Variants in RBM6 observed in about 807,000 individuals in gnomAD.
RBM6 encodes the protein RNA binding motif protein 6, also known as RNA-binding protein 6.
In RBM6, 23 loss-of-function variants were observed where a neutral mutation model predicts 140.4. The observed-to-expected ratio is 0.16, with a 90% CI of 0.12 to 0.23. The LOEUF is 0.23. RBM6 is among the 10% of genes least tolerant of loss of function. The pLI, the probability that RBM6 is intolerant of heterozygous loss-of-function variation, is 1.00. For missense variants in RBM6, 1,139 were observed against 1,386.7 expected (o/e 0.82, Z 2.84); for synonymous variants, 439 against 475.6 (o/e 0.92, Z 1.00).
At chr3:49,958,090 G>A (rs2084085469) in intron 1 of RBM6, among the ~76,000 whole-genome samples, 1 of 152,038 alleles carries the variant, frequency 6.6e-6, no homozygotes, top group South Asian at 2.1e-4. Context: ...GCACCTGGCC[G>A]AGATCTTTAT....
chr3:50,025,592 T>A lies in RBM6; in HGVS notation c.1558-22653T>A, dbSNP rs555964636. On this transcript the variant is annotated intron_variant, in intron 6 of 20. Transcript: ENST00000266022. Reference sequence around the variant, plus strand: ...TTTATATATATACAACTTTAATTTTTTTTTTTTTTTTTTTAAGAGACAGGG... The same window carrying A: ...TTTATATATATACAACTTTAATTTTATTTTTTTTTTTTTTAAGAGACAGGG... Among the ~76,000 whole-genome samples the A allele has an allele frequency of 2.9e-4, 14 of 48,732 alleles. 1 individual carries two copies. In the East Asian group the frequency reaches 0.031, roughly 110 times the overall value. The allele number at this position is 48,732 out of a possible 152,430, so 32.0% of individuals were successfully genotyped here.
At chr3:49,941,988 C>T (rs1333975983) in intron 1 of RBM6, among the ~76,000 whole-genome samples, 2 of 150,924 alleles carry the variant, frequency 1.3e-5, no homozygotes, top group African/African-American at 2.4e-5. Context: ...TTAGCCCTAA[C>T]TACTCAGGAG....
intron 5 of RBM6, among the ~76,000 whole-genome samples, chr3:49,997,351 A>G (rs1205076288): frequency 6.6e-6 from 1 of 152,142 alleles, no homozygotes; most frequent in Non-Finnish European, 1.5e-5. Flanking sequence ...GATGCTCATA[A>G]TGTTTTCTGT....
intron 1 of RBM6, among the ~76,000 whole-genome samples, chr3:49,958,690 G>T (rs2084126983): frequency 2.0e-5 from 3 of 151,392 alleles, no homozygotes; most frequent in Middle Eastern, 6.8e-3. Flanking sequence ...GGTGGAGCTT[G>T]CAGTGAGCCG....
At chr3:49,993,627 G>GT (rs1445146728) in intron 5 of RBM6, among the ~76,000 whole-genome samples, 1 of 151,856 alleles carries the variant, frequency 6.6e-6, no homozygotes, top group Non-Finnish European at 1.5e-5. Context: ...GGGTGACAGA[G>GT]TGAGACTCTG....
chr3:50,049,511 T>G (rs903271609), intron 7 of RBM6, among the ~76,000 whole-genome samples: 1 of 152,110 alleles, frequency 6.6e-6, no homozygotes, highest in Non-Finnish European at 1.5e-5. Context: ...GAAAAATATA[T>G]AAAGTTTCTG....
At chr3:49,951,420 G>GT (rs901773254) in intron 1 of RBM6, among the ~76,000 whole-genome samples, 3 of 152,042 alleles carry the variant, frequency 2.0e-5, no homozygotes, top group Non-Finnish European at 2.9e-5. Flanking sequence ...TGGAGACAAG[G>GT]TTTTGCCATG....
In RBM6 at chr3:49,967,208, A is replaced by C; in HGVS notation, c.45-262A>C. 4.9e-6 allele frequency: 6 copies of C among 1,233,458 alleles called. No homozygotes were observed. Among genetic ancestry groups the C allele is most frequent in the Non-Finnish European group, 6.1e-6 (6 of 985,280 alleles). 76.4% of individuals were successfully genotyped at this position (1,233,458 alleles called of 1,614,324 possible). A position where few individuals can be genotyped will look rare whatever the true frequency, so the allele number is the denominator to read the frequency against. On this transcript the variant is annotated intron_variant, in intron 2 of 20. Transcript: ENST00000266022. This position sits in a 1 kb window ranked among gnomAD's most constrained non-coding sequence, Gnocchi z 4.0. ...TTTTCCCTGTTGCAGGACTGGGTGA[A>C]AGCTTTTTCTGCAGCAGTCATGTTG...
chr3:50,064,982 C>A, intron 15 of RBM6, 49 bp from the exon 16 acceptor site: 1 of 1,490,188 alleles, frequency 6.7e-7, no homozygotes, highest in Non-Finnish European at 9.3e-7. Context: ...CAGCCTTTAT[C>A]AGTTATTATG....
chr3:50,066,214 G>A (rs760114747), intron 16 of RBM6, 28 bp from the exon 17 acceptor site: 94 of 1,589,316 alleles, frequency 5.9e-5, no homozygotes, highest in Non-Finnish European at 5.8e-5. Flanking sequence ...GTTGAATTTG[G>A]TATTGATCCC....
rs1428756929 is a variant in RBM6 at position 49,968,761 on chromosome 3, G to A, written c.1323+13G>A. 1 of 1,446,768 alleles carries A rather than the reference G, an allele frequency of 6.9e-7. No homozygotes were observed. The highest frequency in any genetic ancestry group is 9.4e-7 in the Non-Finnish European group (1 of 1,065,008). 89.6% of individuals were successfully genotyped at this position (1,446,768 alleles called of 1,614,324 possible). ...ACGGGACCTTCAGGTATGTTGATGGGGTGGATTGCTTTTTTTTTTTTTTTT... is the reference window on the plus strand; with the variant it reads ...ACGGGACCTTCAGGTATGTTGATGGAGTGGATTGCTTTTTTTTTTTTTTTT... On this transcript the variant is annotated intron_variant, in intron 3 of 20. Coordinates refer to ENST00000266022, the MANE Select transcript of RBM6 (RefSeq NM_005777.3).
At chr3:49,945,905 A>G (rs1433994770) in intron 1 of RBM6, among the ~76,000 whole-genome samples, 2 of 147,384 alleles carry the variant, frequency 1.4e-5, no homozygotes, top group Non-Finnish European at 3.0e-5. Context: ...AAAAAAAAAA[A>G]AGAAGATATA....
chr3:49,955,858 C>CTG (rs1410336522), intron 1 of RBM6, among the ~76,000 whole-genome samples: 103 of 136,252 alleles, frequency 7.6e-4, no homozygotes, highest in South Asian at 1.5e-3. Flanking sequence ...CTCTCTCTCT[C>CTG]TCTGTGTGTG....
At chr3:50,017,673 A>G (rs2087244917) in intron 6 of RBM6, among the ~76,000 whole-genome samples, 1 of 152,114 alleles carries the variant, frequency 6.6e-6, no homozygotes. Flanking sequence ...CATTTTGGAT[A>G]TTAGCCCTTT....
At chr3:50,001,155 T>C (rs948665918) in intron 6 of RBM6, among the ~76,000 whole-genome samples, 10 of 152,064 alleles carry the variant, frequency 6.6e-5, no homozygotes, top group Admixed American at 5.9e-4. Flanking sequence ...AAAAATGCAT[T>C]AACACTGCAA....
intron 6 of RBM6, among the ~76,000 whole-genome samples, chr3:50,040,212 C>T (rs1032231688): frequency 2.6e-5 from 4 of 151,724 alleles, no homozygotes; most frequent in East Asian, 1.9e-4. Context: ...TTTGGGAGGC[C>T]GAGGTGGGCA....
At chr3:49,993,196 T>G (rs1248479826) in intron 5 of RBM6, among the ~76,000 whole-genome samples, 2 of 152,204 alleles carry the variant, frequency 1.3e-5, no homozygotes, top group Non-Finnish European at 2.9e-5. Flanking sequence ...GGCGAGTGTT[T>G]CCTAACAAAT....
chr3:50,034,556 T>G (rs2088394907), intron 6 of RBM6, among the ~76,000 whole-genome samples: 2 of 151,832 alleles, frequency 1.3e-5, no homozygotes, highest in South Asian at 4.2e-4. Flanking sequence ...AGGTCAGGAG[T>G]TTGAGACCAG....
chr3:50,057,928 G>A lies in RBM6; in HGVS notation c.1894G>A (p.Glu632Lys). The A allele has an allele frequency of 6.2e-7, 1 of 1,614,200 alleles. No homozygotes were observed. Among genetic ancestry groups the A allele is most frequent in the Non-Finnish European group, 8.5e-7 (1 of 1,180,040 alleles). ...AAGGTATCTGCCTCCTTCTCGAAGGGAAGGGCCAACTTTCCGAAGAGACCG... is the reference window on the plus strand; with the variant it reads ...AAGGTATCTGCCTCCTTCTCGAAGGAAAGGGCCAACTTTCCGAAGAGACCG... The part of the protein sequence containing the change: ...AERYLPPSRR[E>K]GPTFRRDRER... Residue 632 changes from glutamate to lysine, a missense_variant, in exon 9 of 21, where the codon GAA (glutamate) becomes AAA (lysine). Physicochemically the swap from Glu to Lys is moderately conservative, Grantham distance 56. Coordinates refer to ENST00000266022, the MANE Select transcript of RBM6 (RefSeq NM_005777.3).
Sources: allele counts gnomAD v4.1 joint callset (sites outside exome capture counted in the v4.1 genomes callset), GRCh38; gene constraint gnomAD v4.1.1; non-coding constraint Gnocchi (gnomAD v3.1); transcripts MANE v1.5; gene names NCBI Gene and HGNC (gene_info 2026-07-23, HGNC 2026-07-21).